The following AGAP4 variants were observed in gnomAD, a reference collection of about 807,000 sequenced individuals.
The protein encoded by AGAP4 is arf-GAP with GTPase, ANK repeat and PH domain-containing protein 4.
Under a neutral mutation model 60.7 loss-of-function variants are expected in AGAP4, and 13 were observed. The ratio of observed to expected loss-of-function variants is 0.21; its 90% CI spans 0.14 to 0.34. The LOEUF (loss-of-function observed/expected upper bound fraction) is 0.34, where lower values mean the gene tolerates loss of function less well. Among genes scored for constraint, AGAP4 ranks in the 10% least tolerant of loss-of-function variants. The pLI, the probability that AGAP4 is intolerant of heterozygous loss-of-function variation, is 1.00. For synonymous variants in AGAP4, 70 were observed against 339.0 expected, an observed-to-expected ratio of 0.21 and a Z score of 8.72; for missense variants, 169 against 884.0, an observed-to-expected ratio of 0.19 and a Z score of 10.26.
rs1293003918 is a variant in AGAP4 at position 45,832,415 on chromosome 10, C to T, written c.498-986G>A. The stretch of plus-strand genomic sequence containing the variant: ...ATTAAGCAGTGGCTGTCAAACTTTG[C>T]TGCACATTAAAATCGCCTGAGAAGC... On this transcript the variant is annotated intron_variant, in intron 5 of 7. Coordinates refer to ENST00000616763, the MANE Select transcript of AGAP4 (RefSeq NM_001276343.3). Among the ~76,000 whole-genome samples the T allele has an allele frequency of 3.3e-5, 5 of 149,594 alleles. 1 individual carries two copies. Among genetic ancestry groups the T allele is most frequent in the African/African-American group, 7.4e-5 (3 of 40,722 alleles).
chr10:45,832,180 G>A (rs1210317168), intron 5 of AGAP4, among the ~76,000 whole-genome samples: 1 of 142,012 alleles, frequency 7.0e-6, no homozygotes, highest in East Asian at 2.0e-4. Context: ...AACATTAGCA[G>A]GTAAGATGGA....
At chr10:45,842,692 C>G (rs2058938918) in intron 3 of AGAP4, among the ~76,000 whole-genome samples, 2 of 142,702 alleles carry the variant, frequency 1.4e-5, no homozygotes, top group Non-Finnish European at 1.5e-5. Context: ...ACTGCCTCTG[C>G]CTTTGATGCT....
chr10:45,828,549 A>G (rs1318320667), intron 6 of AGAP4, among the ~76,000 whole-genome samples: 4 of 148,032 alleles, frequency 2.7e-5, no homozygotes, highest in African/African-American at 7.4e-5. Flanking sequence ...TTAAGACGCC[A>G]GTCTTTGATG....
At chr10:45,841,512 G>A in intron 4 of AGAP4, 141 bp downstream of exon 4, 2 of 655,516 alleles carry the variant, frequency 3.1e-6, no homozygotes, top group Non-Finnish European at 4.8e-6. Flanking sequence ...TAATACTCAG[G>A]AAAATAGAAG....
At chr10:45,835,053 G>C (rs1243475113) in intron 4 of AGAP4, among the ~76,000 whole-genome samples, 32 of 146,172 alleles carry the variant, frequency 2.2e-4, no homozygotes, top group Admixed American at 1.4e-3. Flanking sequence ...GATTACAGGC[G>C]TGAGCCACGG....
Position 45,826,573 on chromosome 10 carries a change from T to C in AGAP4, c.1403A>G (p.Gln468Arg), listed in dbSNP as rs1554896302. The part of the protein sequence containing the change: ...LTSQSKAMAL[Q>R]SIQNMRGNAH... ...GTTCCCACGCATGTTTTGGATCGACTGCAGGGCCATGGCCTTGCTCTGGCT... is the reference window on the plus strand; with the variant it reads ...GTTCCCACGCATGTTTTGGATCGACCGCAGGGCCATGGCCTTGCTCTGGCT... Residue 468 changes from glutamine to arginine, a missense_variant, in exon 8 of 8, where the codon CAG becomes CGG. Coordinates refer to ENST00000616763, the MANE Select transcript of AGAP4 (RefSeq NM_001276343.3). 1 of 1,475,512 alleles carries C rather than the reference T, an allele frequency of 6.8e-7. No homozygotes were observed. Among genetic ancestry groups the C allele is most frequent in the Non-Finnish European group, 9.2e-7 (1 of 1,081,318 alleles). The allele number at this position is 1,475,512 out of a possible 1,614,324, so 91.4% of individuals were successfully genotyped here.
chr10:45,834,674 C>CAAAAAAA (rs1174820110), intron 4 of AGAP4, among the ~76,000 whole-genome samples: 8 of 15,224 alleles, frequency 5.3e-4, no homozygotes, highest in Admixed American at 1.2e-3. Context: ...GACTCCGCCT[C>CAAAAAAA]AAAAAAAAAA....
rs1269166269 is a variant in AGAP4, at chr10:45,834,994, C to T, written c.397-878G>A. The stretch of plus-strand genomic sequence containing the variant: ...TTCACCGTGTTAGCCAGGATGGTCT[C>T]GATCTCCTCACCTCGCGATCTGCCT... On this transcript the variant is annotated intron_variant, in intron 4 of 7. Coordinates refer to ENST00000616763, the MANE Select transcript of AGAP4 (RefSeq NM_001276343.3). 4.8e-5 allele frequency among the ~76,000 whole-genome samples: 7 copies of T among 146,506 alleles called. 1 individual carries two copies. Among genetic ancestry groups the T allele is most frequent in the African/African-American group, 1.6e-4 (6 of 37,356 alleles).
chr10:45,848,612 T>G (rs1554899932), upstream of AGAP4, among the ~76,000 whole-genome samples: 1 of 152,082 alleles, frequency 6.6e-6, no homozygotes. Context: ...CAAGGTCACA[T>G]GACTGCTAAG....
chr10:45,854,238 C>A (rs1166878482), upstream of AGAP4: 110 of 169,434 alleles, frequency 6.5e-4, 2 homozygotes, highest in Middle Eastern at 6.0e-3. Flanking sequence ...CTGCACCATC[C>A]TAGCCTGTCA....
rs1440872040 is a variant in AGAP4, at chr10:45,834,037, T to C, written c.476A>G (p.Tyr159Cys). The change falls in exon 5 of 8, where the codon TAT (tyrosine) becomes TGT (cysteine). Residue 159 changes from tyrosine (Y) to cysteine (C), a missense_variant. By Grantham distance (194) the Tyr-to-Cys change is radical. Transcript: ENST00000616763. ...TCACGATATTATTGTCATTGTAAGA[T>C]AATGCTGGATGGCTGTGCTGTCATC... ...FLDDSTAIQH[Y>C]LTMTIISVTL... is the part of the protein sequence containing the mutation. 14 of 1,591,308 alleles carry C rather than the reference T, an allele frequency of 8.8e-6. No individual in the cohort carries two copies. In the East Asian group the frequency reaches 2.9e-4, roughly 33 times the overall value.
upstream of AGAP4, among the ~76,000 whole-genome samples, chr10:45,849,469 TGA>T (rs1554900077): frequency 3.6e-5 from 5 of 137,514 alleles, no homozygotes; most frequent in African/African-American, 1.0e-4. Context: ...ATGATGATGA[TGA>T]TGATTATTAT....
chr10:45,852,961 T>C (rs2059102487), intron 1 of AGAP4, among the ~76,000 whole-genome samples: 2 of 151,800 alleles, frequency 1.3e-5, no homozygotes, highest in South Asian at 2.1e-4. Flanking sequence ...TATGCCACAA[T>C]CTCTAAAGAA....
chr10:45,853,006 T>A (rs1212689045), intron 1 of AGAP4, among the ~76,000 whole-genome samples: 2 of 151,930 alleles, frequency 1.3e-5, no homozygotes, highest in Non-Finnish European at 2.9e-5. Context: ...GCAAGAATAA[T>A]CACAATAAAG....
intron 4 of AGAP4, among the ~76,000 whole-genome samples, chr10:45,838,896 A>T (rs1400608659): frequency 6.8e-6 from 1 of 146,862 alleles, no homozygotes; most frequent in Non-Finnish European, 1.5e-5. Context: ...GGCAGTGGAT[A>T]AACTTTGAAT....
At chr10:45,849,413 GAAAGT>G (rs1346917864), upstream of AGAP4, among the ~76,000 whole-genome samples, 1 of 151,612 alleles carries the variant, frequency 6.6e-6, no homozygotes, top group Non-Finnish European at 1.5e-5. Context: ...AACCATATCA[GAAAGT>G]AAAGGTAGAA....
upstream of AGAP4, among the ~76,000 whole-genome samples, chr10:45,851,400 A>G (rs1183245072): frequency 1.5e-3 from 221 of 152,074 alleles, 2 homozygotes; most frequent in East Asian, 3.5e-3. Context: ...ATAGGTACTC[A>G]ACATGTATTA....
upstream of AGAP4, among the ~76,000 whole-genome samples, chr10:45,852,217 TAAAAAAA>T (rs781889843): frequency 2.2e-5 from 2 of 91,734 alleles, no homozygotes; most frequent in African/African-American, 5.5e-5. Context: ...GGCCAGACTT[TAAAAAAA>T]AAAAAAAAAA....
At chr10:45,849,355 A>G (rs2059051862), upstream of AGAP4, among the ~76,000 whole-genome samples, 1 of 151,696 alleles carries the variant, frequency 6.6e-6, no homozygotes, top group Admixed American at 6.6e-5. Context: ...ACACATCAGG[A>G]TTATGGGGAT....
Sources: gnomAD v4.1 joint callset for allele counts (sites outside exome capture counted in the v4.1 genomes callset) on GRCh38, gnomAD v4.1.1 for gene constraint, MANE v1.5 for transcripts, NCBI Gene and HGNC (gene_info 2026-07-23, HGNC 2026-07-21) for gene names.